Variants in NSMAF observed in about 807,000 individuals in gnomAD.
NSMAF encodes protein FAN.
NSMAF carries 90 observed loss-of-function variants against 134.9 expected under a neutral mutation model. The observed-to-expected ratio is 0.67, with a 90% confidence interval of 0.56 to 0.79. The LOEUF (loss-of-function observed/expected upper bound fraction) is 0.79, where lower values mean the gene tolerates loss of function less well. Ranked by LOEUF, NSMAF falls within the 30% of genes least tolerant of loss-of-function variation. NSMAF has a pLI of 0.00. For missense variants in NSMAF, 1,010 were observed against 1,119.0 expected, an observed-to-expected ratio of 0.90 and a Z score of 1.39; for synonymous variants, 358 against 389.6, an observed-to-expected ratio of 0.92 and a Z score of 0.96.
At chr8:58,614,835 G>C (rs974837018) in intron 9 of NSMAF, among the ~76,000 whole-genome samples, 9 of 152,028 alleles carry the variant, frequency 5.9e-5, no homozygotes, top group Admixed American at 2.0e-4. Flanking sequence ...AAGATACTAG[G>C]CTTAAAACCA....
chr8:58,594,914 A>AG (rs1278853809), intron 22 of NSMAF: 2 of 154,446 alleles, frequency 1.3e-5, no homozygotes, highest in Non-Finnish European at 2.9e-5. Flanking sequence ...TGTATGCCGG[A>AG]GGGGCTGTCT....
At chr8:58,618,260 T>C (rs1375446582) in intron 9 of NSMAF, among the ~76,000 whole-genome samples, 1 of 152,138 alleles carries the variant, frequency 6.6e-6, no homozygotes, top group Non-Finnish European at 1.5e-5. Context: ...TGTATACCTA[T>C]GTATCAAACC....
intron 23 of NSMAF, among the ~76,000 whole-genome samples, chr8:58,592,614 G>A (rs1257591185): frequency 3.3e-5 from 5 of 152,314 alleles, no homozygotes; most frequent in South Asian, 4.1e-4. Flanking sequence ...TCGGCCGGGC[G>A]TGGTGGCCCA....
intron 1 of NSMAF, among the ~76,000 whole-genome samples, chr8:58,655,785 T>C (rs1274798828): frequency 1.3e-5 from 2 of 151,702 alleles, no homozygotes; most frequent in African/African-American, 4.8e-5. Flanking sequence ...TGGCCGCCTG[T>C]AGTCCCAGCT....
At chr8:58,646,911 T>C (rs570046081) in intron 1 of NSMAF, among the ~76,000 whole-genome samples, 5 of 152,332 alleles carry the variant, frequency 3.3e-5, no homozygotes, top group African/African-American at 1.2e-4. Flanking sequence ...AGTTTCCTCA[T>C]TGAGCAACTC....
chr8:58,603,439 G>A, intron 12 of NSMAF, 53 bp from the exon 13 acceptor site: 1 of 1,571,330 alleles, frequency 6.4e-7, no homozygotes, highest in South Asian at 1.1e-5. Flanking sequence ...AACTTAGTAT[G>A]CAAAAGCTAG....
chr8:58,639,303 G>C (rs1585758951), intron 2 of NSMAF, among the ~76,000 whole-genome samples: 1 of 149,906 alleles, frequency 6.7e-6, no homozygotes, highest in East Asian at 2.0e-4. Context: ...AAAAAAAGAA[G>C]AAGAAGAAGA....
In NSMAF at chr8:58,623,404, A is replaced by G. The variant is rs547939564; in HGVS notation, c.477T>C (p.Leu159=). The G allele has an allele frequency of 2.5e-6, 4 of 1,614,102 alleles. No homozygotes were observed. The African/African-American group carries it at 5.3e-5, about 22-fold the overall frequency. ...TGGCGGTTTGGTCACCCAATTTGTCAAGGCAGGATGCTCTGTGAAGCTACA... is the reference window on the plus strand; with the variant it reads ...TGGCGGTTTGGTCACCCAATTTGTCGAGGCAGGATGCTCTGTGAAGCTACA... ...TLLQLHRASC[L]DKLGDQTAMI... Residue 159 remains leucine (L), a synonymous_variant, in exon 8 of 31, where the codon CTT becomes CTC. Transcript: ENST00000038176.
chr8:58,594,553 A>G (rs1377206711), intron 22 of NSMAF: 4 of 424,900 alleles, frequency 9.4e-6, no homozygotes, highest in Non-Finnish European at 1.7e-5. Context: ...ATTCCTGACA[A>G]TTTCTGGCAA....
intron 14 of NSMAF, 25 bp from the exon 15 acceptor site, chr8:58,601,560 A>G (rs759426864): frequency 6.3e-7 from 1 of 1,575,250 alleles, no homozygotes. Flanking sequence ...AAAAAAAAAA[A>G]TAGAGCTAAG....
intron 1 of NSMAF, among the ~76,000 whole-genome samples, chr8:58,652,966 A>G (rs1004694553): frequency 3.9e-5 from 6 of 152,208 alleles, no homozygotes; most frequent in African/African-American, 1.4e-4. Context: ...AACAAAAACA[A>G]TGGTAAATAT....
chr8:58,623,766 A>G lies in NSMAF; in HGVS notation c.399T>C (p.Tyr133=), dbSNP rs1421782009. The part of the protein sequence containing the change: ...PYKIERGKME[Y]VFELDVPGKV... ...TCCCGGGAACATCCAATTCAAAAAC[A>G]TATTCCATTTTGCCCTAACAAAAAG... The change falls in exon 7 of 31, where the codon TAT becomes TAC. Residue 133 remains tyrosine (Y), a synonymous_variant. Transcript: ENST00000038176. 2.5e-6 allele frequency: 4 copies of G among 1,613,978 alleles called. No individual in the cohort carries two copies. Among genetic ancestry groups the G allele is most frequent in the Non-Finnish European group, 3.4e-6 (4 of 1,179,972 alleles).
In NSMAF at chr8:58,635,234, C is replaced by A. The variant is rs751749019; in HGVS notation, c.297-9G>T. 9 of 1,611,162 alleles carry A rather than the reference C, an allele frequency of 5.6e-6. No homozygotes were observed. The highest frequency in any genetic ancestry group is 7.6e-6 in the Non-Finnish European group (9 of 1,177,900). ...TACCCCCAGATTTTGCCCTAAAATACAGATAAAAGTCATTAAATATATACA... is the reference window on the plus strand; with the variant it reads ...TACCCCCAGATTTTGCCCTAAAATAAAGATAAAAGTCATTAAATATATACA... On this transcript the variant is annotated splice_polypyrimidine_tract_variant and intron_variant, in intron 4 of 30. Transcript: ENST00000038176.
chr8:58,585,589 A>C, intron 30 of NSMAF, 63 bp downstream of exon 30: 1 of 1,215,800 alleles, frequency 8.2e-7, no homozygotes, highest in Non-Finnish European at 1.2e-6. Flanking sequence ...CCCTGATGGA[A>C]AAGGCAGGCT....
rs181066202 is a variant in NSMAF at position 58,606,881 on chromosome 8, T to C, written c.760-846A>G. Among the ~76,000 whole-genome samples the C allele has an allele frequency of 2.3e-3, 347 of 152,362 alleles. 4 individuals are homozygous for C. Among genetic ancestry groups the C allele is most frequent in the African/African-American group, 7.8e-3 (323 of 41,592 alleles). On this transcript the variant is annotated intron_variant, in intron 11 of 30. Transcript: ENST00000038176. ...AATGGCGAATAAATGAAACATTATA[T>C]ATAAATTGCCTGTTACATAGAAAGC...
intron 10 of NSMAF, 50 bp from the exon 11 acceptor site, chr8:58,607,890 G>A (rs1806444911): frequency 6.8e-7 from 1 of 1,470,722 alleles, no homozygotes; most frequent in African/African-American, 1.4e-5. Context: ...GACACAATTA[G>A]AAGTTGTTCT....
At chr8:58,588,833 G>T in intron 26 of NSMAF, 1 of 770,122 alleles carries the variant, frequency 1.3e-6, no homozygotes, top group South Asian at 1.4e-5. Flanking sequence ...TAATATTTCT[G>T]ATCATGGCAG....
intron 12 of NSMAF, among the ~76,000 whole-genome samples, chr8:58,604,737 T>G (rs1187025087): frequency 6.6e-6 from 1 of 151,950 alleles, no homozygotes; most frequent in Non-Finnish European, 1.5e-5. Context: ...AATCCCAATA[T>G]CCTTTTTTGT....
intron 9 of NSMAF, among the ~76,000 whole-genome samples, chr8:58,621,352 C>A (rs1177759923): frequency 6.6e-6 from 1 of 152,164 alleles, no homozygotes; most frequent in Non-Finnish European, 1.5e-5. Flanking sequence ...CAGTCTACCA[C>A]TGATGGGTAT....
Sources: allele counts gnomAD v4.1 joint callset (sites outside exome capture counted in the v4.1 genomes callset), GRCh38; gene constraint gnomAD v4.1.1; transcripts MANE v1.5; gene names NCBI Gene and HGNC (gene_info 2026-07-23, HGNC 2026-07-21).